Variants in SLC35F3 observed in about 807,000 individuals in gnomAD.
SLC35F3 encodes the protein putative thiamine transporter SLC35F3.
In SLC35F3, 25 loss-of-function variants were observed where a neutral mutation model predicts 49.9. The ratio of observed to expected loss-of-function variants is 0.50; its 90% confidence interval spans 0.37 to 0.70. The LOEUF (loss-of-function observed/expected upper bound fraction) is 0.70, where lower values mean the gene tolerates loss of function less well. Ranked by LOEUF, SLC35F3 falls within the 30% of genes least tolerant of loss-of-function variation. The pLI, the probability that SLC35F3 is intolerant of heterozygous loss-of-function variation, is 0.00. For missense variants in SLC35F3, 525 were observed against 639.8 expected (o/e 0.82, Z 1.94); for synonymous variants, 275 against 265.4 (o/e 1.04, Z -0.35).
chr1:233,944,014 A>G (rs1309175103), intron 2 of SLC35F3, among the ~76,000 whole-genome samples: 3 of 152,272 alleles, frequency 2.0e-5, no homozygotes, highest in Non-Finnish European at 4.4e-5. Flanking sequence ...ACAACGTACC[A>G]GAATCTCTGG....
chr1:233,908,054 CT>C (rs1291992835), intron 2 of SLC35F3, among the ~76,000 whole-genome samples: 14 of 152,276 alleles, frequency 9.2e-5, no homozygotes, highest in African/African-American at 3.1e-4. Flanking sequence ...AGAACTTTTG[CT>C]GTTTGCCATT....
intron 2 of SLC35F3, among the ~76,000 whole-genome samples, chr1:234,014,662 A>G (rs1218284237): frequency 6.6e-6 from 1 of 152,246 alleles, no homozygotes. Context: ...CACAAAAATC[A>G]GTAGCATTTC....
At chr1:234,089,279 G>C (rs1328915944) in intron 2 of SLC35F3, among the ~76,000 whole-genome samples, 1 of 152,226 alleles carries the variant, frequency 6.6e-6, no homozygotes. Flanking sequence ...TCACCTGAAA[G>C]TCAGTCAGCC....
chr1:234,118,224 A>T (rs987642225), intron 2 of SLC35F3, among the ~76,000 whole-genome samples: 2 of 152,118 alleles, frequency 1.3e-5, no homozygotes, highest in African/African-American at 4.8e-5. Context: ...AAGTAACCGA[A>T]TAGCATCCTG....
chr1:234,155,395 G>GATGATGATGATT lies in SLC35F3; in HGVS notation c.284-76020_284-76019insGATGATGATTAT, dbSNP rs113733876. ...TCTAAGTGAAAACTGCTATTCACCT[G>GATGATGATGATT]ATTATTATTATTATTATTATTATTA... On this transcript the variant is annotated intron_variant, in intron 2 of 7. Coordinates refer to ENST00000366618, the MANE Select transcript of SLC35F3 (RefSeq NM_173508.4). Among the ~76,000 whole-genome samples the GATGATGATGATT allele has an allele frequency of 4.7e-3, 709 of 149,330 alleles. 6 individuals are homozygous for GATGATGATGATT. The highest frequency in any genetic ancestry group is 0.017 in the African/African-American group (672 of 40,106).
chr1:234,203,768 G>A (rs1436985644), intron 2 of SLC35F3, among the ~76,000 whole-genome samples: 1 of 151,476 alleles, frequency 6.6e-6, no homozygotes, highest in East Asian at 1.9e-4. Context: ...TTTAAAAGCA[G>A]ACAAGCTTCT....
At chr1:233,963,150 G>A (rs1662832724) in intron 2 of SLC35F3, among the ~76,000 whole-genome samples, 2 of 152,098 alleles carry the variant, frequency 1.3e-5, no homozygotes, top group South Asian at 4.1e-4. Context: ...TTGAGGCTTC[G>A]TTTTGTACAT....
chr1:234,209,980 C>T (rs1204485253), intron 2 of SLC35F3, among the ~76,000 whole-genome samples: 1 of 152,112 alleles, frequency 6.6e-6, no homozygotes, highest in African/African-American at 2.4e-5. Context: ...GGCTGTGTCC[C>T]CACCCAAATC....
At chr1:234,318,650 G>T in intron 5 of SLC35F3, 101 bp from the exon 6 acceptor site, 1 of 998,758 alleles carries the variant, frequency 1.0e-6, no homozygotes, top group Non-Finnish European at 1.5e-6. Flanking sequence ...TTTCCATCCT[G>T]CAGTGCAAAC....
chr1:234,181,338 G>GAAAAAAAAAAAAAAAAAAAAAAAA (rs34757532), intron 2 of SLC35F3, among the ~76,000 whole-genome samples: 2 of 97,308 alleles, frequency 2.1e-5, no homozygotes, highest in Non-Finnish European at 4.2e-5. Context: ...TCTGTCTCAA[G>GAAAAAAAAAAAAAAAAAAAAAAAA]AAAAAAAAAA....
At chr1:234,124,831 A>G (rs1244444486) in intron 2 of SLC35F3, among the ~76,000 whole-genome samples, 1 of 151,062 alleles carries the variant, frequency 6.6e-6, no homozygotes, top group African/African-American at 2.4e-5. Context: ...GCAACAGAGA[A>G]AGACTCCATC....
At chr1:234,103,172 T>C (rs748467051) in intron 2 of SLC35F3, among the ~76,000 whole-genome samples, 13 of 151,898 alleles carry the variant, frequency 8.6e-5, no homozygotes, top group Non-Finnish European at 1.9e-4. Flanking sequence ...AGAAAAAGAG[T>C]GTGAGCAGTG....
intron 2 of SLC35F3, among the ~76,000 whole-genome samples, chr1:234,157,647 C>T (rs1057427154): frequency 2.0e-5 from 3 of 152,074 alleles, no homozygotes; most frequent in Non-Finnish European, 4.4e-5. Flanking sequence ...GTGGCGGGGC[C>T]CATTTCCTTT....
chr1:234,132,736 TC>T (rs1403070560), intron 2 of SLC35F3, among the ~76,000 whole-genome samples: 1 of 152,238 alleles, frequency 6.6e-6, no homozygotes, highest in East Asian at 1.9e-4. Flanking sequence ...ATATTAAAAA[TC>T]TATTCTGTGC....
At chr1:233,998,616 T>A (rs1029870696) in intron 2 of SLC35F3, among the ~76,000 whole-genome samples, 3 of 151,778 alleles carry the variant, frequency 2.0e-5, no homozygotes, top group Non-Finnish European at 4.4e-5. Flanking sequence ...GTAATGGAGA[T>A]GTTCTCTAAT....
intron 5 of SLC35F3, among the ~76,000 whole-genome samples, chr1:234,317,605 G>A (rs185897975): frequency 1.4e-3 from 220 of 152,264 alleles, no homozygotes; most frequent in African/African-American, 5.1e-3. Context: ...AGCTCTGTGA[G>A]TACCATGTGT....
intron 2 of SLC35F3, among the ~76,000 whole-genome samples, chr1:234,084,424 A>G (rs1385816517): frequency 6.6e-6 from 1 of 152,246 alleles, no homozygotes; most frequent in Non-Finnish European, 1.5e-5. Context: ...TCAAAAGCCC[A>G]GTCTGCACAG....
chr1:233,974,620 T>C (rs1263233957), intron 2 of SLC35F3, among the ~76,000 whole-genome samples: 1 of 152,236 alleles, frequency 6.6e-6, no homozygotes, highest in African/African-American at 2.4e-5. Flanking sequence ...TCTACCCATT[T>C]GCTGTTTCTT....
chr1:234,115,745 G>A (rs763663861), intron 2 of SLC35F3, among the ~76,000 whole-genome samples: 2 of 152,050 alleles, frequency 1.3e-5, no homozygotes, highest in Non-Finnish European at 2.9e-5. Flanking sequence ...CCTTCACCTC[G>A]AAATATCTCA....
Sources: allele counts gnomAD v4.1 joint callset (sites outside exome capture counted in the v4.1 genomes callset), GRCh38; gene constraint gnomAD v4.1.1; transcripts MANE v1.5; gene names NCBI Gene and HGNC (gene_info 2026-07-23, HGNC 2026-07-21).